Variants in TRAF2 observed in about 807,000 individuals in gnomAD.
The protein encoded by TRAF2 is TNF receptor-associated factor 2.
Under a neutral mutation model 55.6 loss-of-function variants are expected in TRAF2, and 6 were observed. The observed-to-expected ratio is 0.11, with a 90% CI of 0.06 to 0.21. TRAF2 has a LOEUF of 0.21. Ranked by LOEUF, TRAF2 falls within the 10% of genes least tolerant of loss-of-function variation. The probability of loss-of-function intolerance (pLI) is 1.00; values close to 1 mark genes in which losing one functional copy is unlikely to be tolerated. For synonymous variants in TRAF2, 329 were observed against 276.3 expected (o/e 1.19, Z -1.89); for missense variants, 561 against 684.5 (o/e 0.82, Z 2.01).
At chr9:136,899,788 GC>G in intron 3 of TRAF2, 116 bp downstream of exon 3, 1 of 934,128 alleles carries the variant, frequency 1.1e-6, no homozygotes, top group Non-Finnish European at 1.6e-6. Flanking sequence ...ACTTTGGGAG[GC>G]CCAGGTAGGG....
chr9:136,883,586 G>A (rs4880154), upstream of TRAF2, among the ~76,000 whole-genome samples: 117,366 of 152,024 alleles, frequency 0.77, 45,674 homozygotes, highest in East Asian at 0.87. Flanking sequence ...GCGTAATCTC[G>A]GCTCACTGCA....
At chr9:136,896,606 C>A (rs1347781938) in intron 1 of TRAF2, among the ~76,000 whole-genome samples, 1 of 152,072 alleles carries the variant, frequency 6.6e-6, no homozygotes, top group Non-Finnish European at 1.5e-5. Context: ...TTTACCCAAA[C>A]CGCTTATAAG....
At chr9:136,899,798 G>A in intron 3 of TRAF2, 126 bp downstream of exon 3, 3 of 844,912 alleles carry the variant, frequency 3.6e-6, no homozygotes, top group Non-Finnish European at 5.3e-6. Flanking sequence ...GCCCAGGTAG[G>A]GGGATTGCTT....
intron 6 of TRAF2, among the ~76,000 whole-genome samples, chr9:136,910,777 T>C (rs1299742485): frequency 6.6e-6 from 1 of 152,216 alleles, no homozygotes; most frequent in East Asian, 1.9e-4. Context: ...TGTTTAAATA[T>C]AGGTCACAGC....
intron 4 of TRAF2, among the ~76,000 whole-genome samples, chr9:136,903,725 A>G (rs1849878835): frequency 6.6e-6 from 1 of 152,074 alleles, no homozygotes; most frequent in African/African-American, 2.4e-5. Flanking sequence ...TCTGTCACCC[A>G]GACTGGAGTG....
intron 9 of TRAF2, among the ~76,000 whole-genome samples, chr9:136,923,590 A>G (rs1165773084): frequency 2.1e-5 from 3 of 140,944 alleles, no homozygotes; most frequent in Non-Finnish European, 4.5e-5. Context: ...AGCCTGGGCA[A>G]CAAGAGTGAG....
chr9:136,901,255 GTCTTCCT>G (rs1849813644), intron 4 of TRAF2, among the ~76,000 whole-genome samples: 2 of 152,224 alleles, frequency 1.3e-5, no homozygotes, highest in African/African-American at 4.8e-5. Flanking sequence ...AAGTTATGCA[GTCTTCCT>G]TCTTGTAATG....
intron 1 of TRAF2, among the ~76,000 whole-genome samples, chr9:136,896,634 G>A (rs1204787643): frequency 6.6e-6 from 1 of 152,042 alleles, no homozygotes; most frequent in East Asian, 1.9e-4. Context: ...GGAACCGAGT[G>A]CCTGTCTCTC....
chr9:136,905,910 C>T (rs1392386627), intron 4 of TRAF2, among the ~76,000 whole-genome samples: 1 of 152,186 alleles, frequency 6.6e-6, no homozygotes, highest in East Asian at 1.9e-4. Context: ...TGAGACCATC[C>T]TGGCTAACAC....
chr9:136,903,510 T>C (rs958275393), intron 4 of TRAF2, among the ~76,000 whole-genome samples: 1 of 150,748 alleles, frequency 6.6e-6, no homozygotes, highest in Non-Finnish European at 1.5e-5. Context: ...AAATGTGTAG[T>C]TTGAATTCTG....
At chr9:136,921,285 G>T (rs1332997647) in intron 9 of TRAF2, 70 bp downstream of exon 9, 2 of 1,584,056 alleles carry the variant, frequency 1.3e-6, no homozygotes, top group Admixed American at 1.7e-5. Flanking sequence ...TCACCCCTGT[G>T]ACCACATAGG....
At position 136,897,459 on chromosome 9, in the gene TRAF2, C is replaced by T. The variant is rs186723263; in HGVS notation, c.-28-1254C>T. On this transcript the variant is annotated intron_variant, in intron 1 of 10. Transcript: ENST00000247668. Reference sequence around the variant, plus strand: ...TGTATCGTCTGAAGTGAGGGAAACCCGTGGTAGCTAAAGGGAATGCACTAG... The same window carrying T: ...TGTATCGTCTGAAGTGAGGGAAACCTGTGGTAGCTAAAGGGAATGCACTAG... Among the ~76,000 whole-genome samples, 1,036 of 152,064 alleles carry T rather than the reference C, an allele frequency of 6.8e-3. 12 individuals are homozygous for T. Among genetic ancestry groups the T allele is most frequent in the Non-Finnish European group, 9.6e-3 (652 of 67,956 alleles).
intron 6 of TRAF2, among the ~76,000 whole-genome samples, chr9:136,913,604 A>G (rs992113264): frequency 1.3e-5 from 2 of 152,086 alleles, no homozygotes; most frequent in Non-Finnish European, 2.9e-5. Flanking sequence ...GCTACATACT[A>G]TGTTCTGAGG....
At chr9:136,893,906 C>T (rs895094327) in intron 1 of TRAF2, among the ~76,000 whole-genome samples, 10 of 151,002 alleles carry the variant, frequency 6.6e-5, no homozygotes, top group African/African-American at 9.8e-5. Flanking sequence ...TGCACCACCA[C>T]GCCCGGCTAA....
chr9:136,916,496 C>T (rs749624767), intron 6 of TRAF2, 45 bp from the exon 7 acceptor site: 53 of 1,589,122 alleles, frequency 3.3e-5, no homozygotes, highest in Non-Finnish European at 4.2e-5. Flanking sequence ...TGCTGAAATG[C>T]ATCAGAACAG....
upstream of TRAF2, chr9:136,882,843 A>G: frequency 3.1e-6 from 2 of 649,432 alleles, no homozygotes; most frequent in South Asian, 6.9e-5. Context: ...TCAGGCTGGT[A>G]TCAACTTGCT....
At chr9:136,885,678 G>A (rs1322026557), upstream of TRAF2, among the ~76,000 whole-genome samples, 1 of 152,152 alleles carries the variant, frequency 6.6e-6, no homozygotes, top group Non-Finnish European at 1.5e-5. Flanking sequence ...TGAGGCAGGA[G>A]AATCGCTTGA....
chr9:136,899,786 A>G, intron 3 of TRAF2, 114 bp downstream of exon 3: 1 of 934,984 alleles, frequency 1.1e-6, no homozygotes, highest in Non-Finnish European at 1.6e-6. Flanking sequence ...GCACTTTGGG[A>G]GGCCCAGGTA....
intron 1 of TRAF2, among the ~76,000 whole-genome samples, chr9:136,896,271 G>A (rs1849677656): frequency 6.6e-6 from 1 of 152,234 alleles, no homozygotes; most frequent in Non-Finnish European, 1.5e-5. Flanking sequence ...TTTGGAAGGA[G>A]GAGCATGGCA....
Sources: gnomAD v4.1 joint callset for allele counts (sites outside exome capture counted in the v4.1 genomes callset) on GRCh38, gnomAD v4.1.1 for gene constraint, MANE v1.5 for transcripts, NCBI Gene and HGNC (gene_info 2026-07-23, HGNC 2026-07-21) for gene names.